The following MACROD2 variants were observed in gnomAD, a reference collection of about 807,000 sequenced individuals.
The protein encoded by MACROD2 is ADP-ribose glycohydrolase MACROD2.
Under a neutral mutation model 70.4 loss-of-function variants are expected in MACROD2, and 36 were observed. The ratio of observed to expected loss-of-function variants is 0.51; its 90% CI spans 0.39 to 0.68. The LOEUF (loss-of-function observed/expected upper bound fraction) is 0.68. Ranked by LOEUF, MACROD2 falls within the 30% of genes least tolerant of loss-of-function variation. The pLI is 0.00. For missense variants in MACROD2, 496 were observed against 538.4 expected (o/e 0.92, Z 0.78); for synonymous variants, 172 against 178.8 (o/e 0.96, Z 0.30).
rs190908868 is a variant in MACROD2, at chr20:15,756,365, T to C, written c.646-106380T>C. Among the ~76,000 whole-genome samples, 407 of 152,246 alleles carry C rather than the reference T, an allele frequency of 2.7e-3. 1 individual carries two copies. Among genetic ancestry groups the C allele is most frequent in the African/African-American group, 9.5e-3 (394 of 41,536 alleles). ...GGAGAGTGTTTTATAATGTATTCAG[T>C]TTAATTAAAACTGCACTAAGTGGAG... On this transcript the variant is annotated intron_variant, in intron 8 of 17. Coordinates refer to ENST00000684519, the MANE Select transcript of MACROD2 (RefSeq NM_001351661.2).
At chr20:14,225,561 A>G (rs1190122231) in intron 3 of MACROD2, among the ~76,000 whole-genome samples, 1 of 152,236 alleles carries the variant, frequency 6.6e-6, no homozygotes, top group Non-Finnish European at 1.5e-5. Flanking sequence ...GAAGTACAGT[A>G]CTTGAAATCT....
At chr20:14,752,293 A>G (rs960792996) in intron 5 of MACROD2, among the ~76,000 whole-genome samples, 1 of 151,910 alleles carries the variant, frequency 6.6e-6, no homozygotes, top group South Asian at 2.1e-4. Flanking sequence ...AATTTAAAAC[A>G]TTTATAATTA....
At chr20:15,167,157 T>C (rs1459217574) in intron 5 of MACROD2, among the ~76,000 whole-genome samples, 1 of 151,978 alleles carries the variant, frequency 6.6e-6, no homozygotes, top group Non-Finnish European at 1.5e-5. Flanking sequence ...ATACATTGAG[T>C]TTCTATACAT....
chr20:15,386,032 T>C (rs1600332123), intron 6 of MACROD2, among the ~76,000 whole-genome samples: 4 of 152,278 alleles, frequency 2.6e-5, no homozygotes, highest in South Asian at 4.1e-4. Flanking sequence ...CAGTCTCACA[T>C]TGACAACGAT....
At chr20:14,016,192 T>C (rs1036838030) in intron 2 of MACROD2, among the ~76,000 whole-genome samples, 7 of 152,250 alleles carry the variant, frequency 4.6e-5, no homozygotes, top group African/African-American at 1.7e-4. Context: ...TTGATGAGCA[T>C]CTTTATAGAT....
At chr20:15,493,766 A>G (rs556611801) in intron 7 of MACROD2, among the ~76,000 whole-genome samples, 1 of 152,368 alleles carries the variant, frequency 6.6e-6, no homozygotes, top group East Asian at 1.9e-4. Context: ...TGGGTTTTCA[A>G]TAATTCCAAC....
chr20:15,653,947 A>G (rs2049685801), intron 8 of MACROD2, among the ~76,000 whole-genome samples: 1 of 152,054 alleles, frequency 6.6e-6, no homozygotes, highest in Admixed American at 6.6e-5. Flanking sequence ...AAAGCAGAGG[A>G]GGAAGCAAGC....
chr20:15,691,455 G>T (rs754437924), intron 8 of MACROD2, among the ~76,000 whole-genome samples: 38 of 152,242 alleles, frequency 2.5e-4, no homozygotes, highest in African/African-American at 8.9e-4. Context: ...AAAATAAAGC[G>T]CTGCCCTTCT....
At chr20:15,367,690 T>G (rs1307727886) in intron 6 of MACROD2, among the ~76,000 whole-genome samples, 1 of 152,012 alleles carries the variant, frequency 6.6e-6, no homozygotes, top group East Asian at 1.9e-4. Flanking sequence ...AAGCAAAGAT[T>G]TTTTTGTTTG....
At chr20:15,173,321 G>C (rs757537513) in intron 5 of MACROD2, among the ~76,000 whole-genome samples, 6 of 152,104 alleles carry the variant, frequency 3.9e-5, no homozygotes, top group Non-Finnish European at 8.8e-5. Context: ...CTCACTGTAT[G>C]TTTGCTAAAC....
intron 6 of MACROD2, among the ~76,000 whole-genome samples, chr20:15,324,714 C>G (rs1422050548): frequency 6.6e-6 from 1 of 152,014 alleles, no homozygotes; most frequent in Non-Finnish European, 1.5e-5. Context: ...TCTTTTTTGT[C>G]CTTAGAATTT....
chr20:15,289,849 A>T (rs2077526335), intron 6 of MACROD2, among the ~76,000 whole-genome samples: 1 of 152,196 alleles, frequency 6.6e-6, no homozygotes, highest in Non-Finnish European at 1.5e-5. Context: ...TGTGTGAGTC[A>T]AAATGTAAGG....
At chr20:15,484,203 T>G (rs990728683) in intron 7 of MACROD2, among the ~76,000 whole-genome samples, 1 of 152,174 alleles carries the variant, frequency 6.6e-6, no homozygotes, top group Non-Finnish European at 1.5e-5. Context: ...CTTCAAACTT[T>G]TGCTTTTTTC....
intron 8 of MACROD2, among the ~76,000 whole-genome samples, chr20:15,628,242 C>A (rs569108860): frequency 6.6e-6 from 1 of 152,206 alleles, no homozygotes; most frequent in South Asian, 2.1e-4. Context: ...AATACTAGAC[C>A]TTTATTTACA....
intron 4 of MACROD2, among the ~76,000 whole-genome samples, chr20:14,579,669 T>G (rs1980877220): frequency 6.6e-6 from 1 of 152,208 alleles, no homozygotes; most frequent in South Asian, 2.1e-4. Flanking sequence ...TTTAAATAAG[T>G]TATATTTTAA....
chr20:15,326,038 A>G (rs895149330), intron 6 of MACROD2, among the ~76,000 whole-genome samples: 3 of 152,194 alleles, frequency 2.0e-5, no homozygotes, highest in African/African-American at 7.2e-5. Flanking sequence ...ATAAAAAAGA[A>G]AGTATGTTTT....
chr20:14,435,886 T>G (rs1157057312), intron 3 of MACROD2, among the ~76,000 whole-genome samples: 1 of 152,092 alleles, frequency 6.6e-6, no homozygotes, highest in African/African-American at 2.4e-5. Context: ...TTTGTATTTT[T>G]GGTAGAAACG....
In MACROD2 at chr20:14,174,000, C is replaced by T. The variant is rs113581174; in HGVS notation, c.271+88272C>T. ...TTTTCAGGTTTCTCAACCATGGATACCAGCACCTGCTATGATTGAGGTTCC... is the reference window on the plus strand; with the variant it reads ...TTTTCAGGTTTCTCAACCATGGATATCAGCACCTGCTATGATTGAGGTTCC... On this transcript the variant is annotated intron_variant, in intron 3 of 17. Transcript: ENST00000684519. Among the ~76,000 whole-genome samples, 507 of 152,276 alleles carry T rather than the reference C, an allele frequency of 3.3e-3. 9 individuals are homozygous for T. The highest frequency in any genetic ancestry group is 0.012 in the African/African-American group (480 of 41,554).
chr20:14,153,759 C>G (rs2055056352), intron 3 of MACROD2, among the ~76,000 whole-genome samples: 1 of 152,174 alleles, frequency 6.6e-6, no homozygotes, highest in Admixed American at 6.5e-5. Context: ...GATTAAAAGA[C>G]ATTCACCACG....
Sources: gnomAD v4.1 joint callset for allele counts (sites outside exome capture counted in the v4.1 genomes callset) on GRCh38, gnomAD v4.1.1 for gene constraint, MANE v1.5 for transcripts, NCBI Gene and HGNC (gene_info 2026-07-23, HGNC 2026-07-21) for gene names.